The following MACROD2 variants were observed in gnomAD, a reference collection of about 807,000 sequenced individuals.
MACROD2 encodes the protein mono-ADP ribosylhydrolase 2, also known as ADP-ribose glycohydrolase MACROD2.
Under a neutral mutation model 70.4 loss-of-function variants are expected in MACROD2, and 36 were observed. That is an observed-to-expected ratio of 0.51 (90% CI 0.39 to 0.68). The LOEUF (loss-of-function observed/expected upper bound fraction) is 0.68. Ranked by LOEUF, MACROD2 falls within the 30% of genes least tolerant of loss-of-function variation. The pLI, the probability that MACROD2 is intolerant of heterozygous loss-of-function variation, is 0.00. For missense variants in MACROD2, 496 were observed against 538.4 expected (o/e 0.92, Z 0.78); for synonymous variants, 172 against 178.8 (o/e 0.96, Z 0.30).
intron 6 of MACROD2, among the ~76,000 whole-genome samples, chr20:15,276,441 C>T (rs898716385): frequency 6.6e-6 from 1 of 151,220 alleles, no homozygotes; most frequent in African/African-American, 2.4e-5. Context: ...ATCACCTTTG[C>T]TAAGAACTAA....
intron 5 of MACROD2, among the ~76,000 whole-genome samples, chr20:15,192,014 GTATCTATCTATCTATCTATC>G (rs71190179): frequency 1.8e-4 from 27 of 146,484 alleles, no homozygotes; most frequent in East Asian, 1.2e-3. Context: ...TATTAACTAT[GTATCTATCTATCTATCTATC>G]TATCTATCTA....
At chr20:15,234,784 T>C (rs1277090665) in intron 6 of MACROD2, among the ~76,000 whole-genome samples, 1 of 151,946 alleles carries the variant, frequency 6.6e-6, no homozygotes, top group African/African-American at 2.4e-5. Flanking sequence ...GAAAGAAAAA[T>C]TTCTATTGAG....
At chr20:14,139,875 C>T (rs561738267) in intron 3 of MACROD2, among the ~76,000 whole-genome samples, 2 of 152,154 alleles carry the variant, frequency 1.3e-5, no homozygotes, top group East Asian at 1.9e-4. Flanking sequence ...TGTGAAGGGT[C>T]GCAGTCAAAA....
At chr20:14,415,953 TTG>T (rs1310926318) in intron 3 of MACROD2, among the ~76,000 whole-genome samples, 1 of 147,168 alleles carries the variant, frequency 6.8e-6, no homozygotes, top group Non-Finnish European at 1.5e-5. Flanking sequence ...TACCTTTCTG[TTG>T]TCCTCTATTT....
At chr20:14,711,495 G>A (rs186168191) in intron 5 of MACROD2, among the ~76,000 whole-genome samples, 199 of 152,222 alleles carry the variant, frequency 1.3e-3, no homozygotes, top group African/African-American at 4.4e-3. Flanking sequence ...TAATCCTAAA[G>A]ACCAGGTGAT....
At chr20:15,968,105 A>G (rs1390474656) in intron 13 of MACROD2, among the ~76,000 whole-genome samples, 2 of 152,218 alleles carry the variant, frequency 1.3e-5, no homozygotes, top group African/African-American at 2.4e-5. Flanking sequence ...AAAACATGAC[A>G]GTACACATTA....
chr20:15,060,765 C>T (rs1443388160), intron 5 of MACROD2, among the ~76,000 whole-genome samples: 5 of 152,206 alleles, frequency 3.3e-5, no homozygotes, highest in Non-Finnish European at 5.9e-5. Flanking sequence ...CTGCATTATG[C>T]AATAGACTGT....
At chr20:14,629,147 TTGTGTGTGTGTGTGTGTGGTC>T (rs1984363529) in intron 4 of MACROD2, among the ~76,000 whole-genome samples, 1 of 150,806 alleles carries the variant, frequency 6.6e-6, no homozygotes, top group African/African-American at 2.4e-5. Flanking sequence ...TAGAGGACTT[TTGTGTGTGTGTGTGTGTGGTC>T]TGTGTGTGTG....
intron 4 of MACROD2, among the ~76,000 whole-genome samples, chr20:14,641,988 A>T (rs909856384): frequency 6.6e-6 from 1 of 152,192 alleles, no homozygotes. Flanking sequence ...TACCTATGAA[A>T]GTCCTAGATG....
At chr20:14,757,429 T>G (rs2071955569) in intron 5 of MACROD2, 1 of 402,286 alleles carries the variant, frequency 2.5e-6, no homozygotes. Context: ...TCATTTAGTT[T>G]CAAAAGATTA....
rs1322728995 is a variant in MACROD2, at chr20:15,069,449, A to T, written c.419-160491A>T. 3.9e-5 allele frequency among the ~76,000 whole-genome samples: 6 copies of T among 152,314 alleles called. No individual in the cohort carries two copies. The South Asian group carries it at 1.2e-3, about 32-fold the overall frequency. On this transcript the variant is annotated intron_variant, in intron 5 of 17. Transcript: ENST00000684519. ...GGAGCCAAGTGCTAATATTCAAGACAATGAATAAAAGGCCTTGAAGGCATT... is the reference window on the plus strand; with the variant it reads ...GGAGCCAAGTGCTAATATTCAAGACTATGAATAAAAGGCCTTGAAGGCATT...
chr20:15,499,500 T>G (rs13433142), intron 7 of MACROD2, among the ~76,000 whole-genome samples: 5,461 of 152,300 alleles, frequency 0.036, 108 homozygotes, highest in Middle Eastern at 0.055. Context: ...TATGTAAATA[T>G]GTTTTTAATT....
chr20:14,172,398 G>A (rs2081229995), intron 3 of MACROD2, among the ~76,000 whole-genome samples: 1 of 143,134 alleles, frequency 7.0e-6, no homozygotes, highest in Non-Finnish European at 1.5e-5. Flanking sequence ...TCCACCTCCT[G>A]GGTTTAAGCA....
intron 3 of MACROD2, among the ~76,000 whole-genome samples, chr20:14,477,699 A>C (rs1257591479): frequency 1.3e-5 from 2 of 152,122 alleles, no homozygotes; most frequent in South Asian, 2.1e-4. Flanking sequence ...ATTATCGTTA[A>C]TATTTTATAT....
chr20:15,357,032 G>C (rs2078295622), intron 6 of MACROD2, among the ~76,000 whole-genome samples: 1 of 152,072 alleles, frequency 6.6e-6, no homozygotes, highest in Admixed American at 6.5e-5. Flanking sequence ...TGAATAGAAA[G>C]AAGATCTGAG....
At chr20:14,498,211 T>C (rs1397596824) in intron 4 of MACROD2, among the ~76,000 whole-genome samples, 1 of 149,128 alleles carries the variant, frequency 6.7e-6, no homozygotes, top group Non-Finnish European at 1.5e-5. Flanking sequence ...AGGTGATAGG[T>C]GCACCAAAAT....
intron 5 of MACROD2, among the ~76,000 whole-genome samples, chr20:15,062,361 G>A (rs1271418148): frequency 6.6e-6 from 1 of 152,074 alleles, no homozygotes; most frequent in Non-Finnish European, 1.5e-5. Flanking sequence ...TGCACTGACT[G>A]GGATGTACTT....
At position 15,571,353 on chromosome 20, in the gene MACROD2, T is replaced by C. The variant is rs897361507; in HGVS notation, c.645+71506T>C. On this transcript the variant is annotated intron_variant, in intron 8 of 17. Transcript: ENST00000684519. Reference sequence around the variant, plus strand: ...TTCCCCCATACTTTATTCCTTTTCTTTGGTTTATTTTACAGATGTATCTCT... The same window carrying C: ...TTCCCCCATACTTTATTCCTTTTCTCTGGTTTATTTTACAGATGTATCTCT... Among the ~76,000 whole-genome samples the C allele has an allele frequency of 2.0e-5, 3 of 152,150 alleles. No individual in the cohort carries two copies. The South Asian group carries it at 6.2e-4, about 31-fold the overall frequency.
At chr20:14,246,635 G>T (rs531538446) in intron 3 of MACROD2, among the ~76,000 whole-genome samples, 1 of 152,292 alleles carries the variant, frequency 6.6e-6, no homozygotes, top group South Asian at 2.1e-4. Context: ...ATACAAGGGT[G>T]AAACAGGTAG....
Sources: gnomAD v4.1 joint callset for allele counts (sites outside exome capture counted in the v4.1 genomes callset) on GRCh38, gnomAD v4.1.1 for gene constraint, MANE v1.5 for transcripts, NCBI Gene and HGNC (gene_info 2026-07-23, HGNC 2026-07-21) for gene names.